The following NUP160 variants were observed in gnomAD, a reference collection of about 807,000 sequenced individuals.
NUP160 encodes nuclear pore complex protein Nup160.
In NUP160, 94 loss-of-function variants were observed where a neutral mutation model predicts 196.9. The observed-to-expected ratio is 0.48, with a 90% CI of 0.40 to 0.57. NUP160 has a LOEUF of 0.57. Ranked by LOEUF, NUP160 falls within the 20% of genes least tolerant of loss-of-function variation. The probability of loss-of-function intolerance (pLI) is 0.00; values close to 1 mark genes in which losing one functional copy is unlikely to be tolerated. For synonymous variants in NUP160, 605 were observed against 619.7 expected (o/e 0.98, Z 0.35); for missense variants, 1,638 against 1,748.3 (o/e 0.94, Z 1.13).
In NUP160 at chr11:47,824,039, A is replaced by G. The variant is rs919770792; in HGVS notation, c.1102-1875T>C. 3.7e-3 allele frequency among the ~76,000 whole-genome samples: 471 copies of G among 128,110 alleles called. 9 individuals carry two copies. The highest frequency in any genetic ancestry group is 9.1e-3 in the East Asian group (40 of 4,376). The allele number at this position is 128,110 out of a possible 152,430, so 84.0% of individuals were successfully genotyped here. On this transcript the variant is annotated intron_variant, in intron 7 of 35. Coordinates refer to ENST00000378460, the Ensembl canonical transcript of NUP160. ...TATATATATATATATATATATATAT[A>G]TATATATATATATACACACACACAT...
At chr11:47,788,277 A>T (rs751301096) in exon 31 of NUP160, 1 of 1,614,160 alleles carries the variant, frequency 6.2e-7, no homozygotes, top group Non-Finnish European at 8.5e-7. Flanking sequence ...GAACCAAGAG[A>T]GTGACCATTT....
At chr11:47,792,801 T>C (rs1599309425) in exon 28 of NUP160, 6 of 1,612,940 alleles carry the variant, frequency 3.7e-6, no homozygotes, top group Non-Finnish European at 5.1e-6. Flanking sequence ...CACCAGACAC[T>C]GGCTGCACAA....
intron 10 of NUP160, among the ~76,000 whole-genome samples, chr11:47,818,779 T>C (rs975971836): frequency 6.6e-6 from 1 of 152,172 alleles, no homozygotes. Flanking sequence ...AATCAGCATA[T>C]GATTTTGGCT....
chr11:47,831,051 T>G (rs1852063675), intron 7 of NUP160, among the ~76,000 whole-genome samples: 1 of 151,944 alleles, frequency 6.6e-6, no homozygotes, highest in African/African-American at 2.4e-5. Flanking sequence ...TAATCCCAGC[T>G]ACTTGGGGGA....
chr11:47,796,417 T>C (rs1231536967), intron 27 of NUP160: 1 of 342,708 alleles, frequency 2.9e-6, no homozygotes, highest in African/African-American at 2.1e-5. Context: ...AAATAACTGA[T>C]GACATTAAAA....
intron 23 of NUP160, among the ~76,000 whole-genome samples, chr11:47,799,555 T>G (rs1346117774): frequency 6.6e-6 from 1 of 152,164 alleles, no homozygotes; most frequent in Non-Finnish European, 1.5e-5. Context: ...TTATTTTTAT[T>G]AATTTTTTGA....
rs2097670124 is a variant in NUP160 at position 47,795,087 on chromosome 11, G to C, written c.3290-2141C>G. On this transcript the variant is annotated intron_variant, in intron 27 of 35. Transcript: ENST00000378460. ...TGCACTCCAGGCTGATCGATAGAGT[G>C]AGACTGTCTCAAAAAAAAAAGAACA... 2.6e-5 allele frequency among the ~76,000 whole-genome samples: 4 copies of C among 151,812 alleles called. No homozygotes were observed. In the South Asian group the frequency reaches 8.3e-4, roughly 32 times the overall value.
At chr11:47,829,793 C>T (rs1450311829) in intron 7 of NUP160, among the ~76,000 whole-genome samples, 5 of 152,154 alleles carry the variant, frequency 3.3e-5, no homozygotes, top group Admixed American at 1.3e-4. Flanking sequence ...CAATACCATC[C>T]TGAACATACG....
At chr11:47,838,409 C>G (rs910628900) in intron 4 of NUP160, among the ~76,000 whole-genome samples, 3 of 152,092 alleles carry the variant, frequency 2.0e-5, no homozygotes, top group Non-Finnish European at 4.4e-5. Context: ...TATTTGAATC[C>G]CACCTTGGGT....
At chr11:47,801,019 T>C (rs918486399) in intron 23 of NUP160, among the ~76,000 whole-genome samples, 5 of 152,090 alleles carry the variant, frequency 3.3e-5, no homozygotes, top group African/African-American at 7.2e-5. Context: ...CCTAAGAGAA[T>C]AGAGCATGCG....
At position 47,782,306 on chromosome 11, in the gene NUP160, ATATATATATATATATAT is replaced by A. The variant is rs2097661752; in HGVS notation, c.4116+750_4116+766del. On this transcript the variant is annotated intron_variant, in intron 34 of 35. Coordinates refer to ENST00000378460, the Ensembl canonical transcript of NUP160. ...AACTCAGTTAAAAAAAAAAAAAAAT[ATATATATATATATATAT>A]ATATATATATATATATATATATATA... is the stretch of plus-strand genomic sequence containing the variant. Among the ~76,000 whole-genome samples the A allele has an allele frequency of 2.8e-3, 117 of 42,322 alleles. 18 individuals are homozygous for A. Among genetic ancestry groups the A allele is most frequent in the African/African-American group, 0.011 (96 of 8,906 alleles). 27.8% of individuals were successfully genotyped at this position (42,322 alleles called of 152,430 possible). A position where few individuals can be genotyped will look rare whatever the true frequency, so the allele number is the denominator to read the frequency against.
At chr11:47,833,955 T>C (rs1391533835) in intron 7 of NUP160, among the ~76,000 whole-genome samples, 1 of 152,234 alleles carries the variant, frequency 6.6e-6, no homozygotes, top group African/African-American at 2.4e-5. Flanking sequence ...TTTTTCACTT[T>C]GCTTTGTATC....
chr11:47,814,415 G>A (rs929284911), intron 13 of NUP160, among the ~76,000 whole-genome samples: 1 of 151,930 alleles, frequency 6.6e-6, no homozygotes, highest in Non-Finnish European at 1.5e-5. Flanking sequence ...GGTGGCGCGT[G>A]CCTATAATCC....
Sources: allele counts gnomAD v4.1 joint callset (sites outside exome capture counted in the v4.1 genomes callset), GRCh38; gene constraint gnomAD v4.1.1; transcripts MANE v1.5; gene names NCBI Gene and HGNC (gene_info 2026-07-23, HGNC 2026-07-21).